The following LCN6 variants were observed in gnomAD, a reference collection of about 807,000 sequenced individuals.
The protein encoded by LCN6 is lipocalin 6, also known as epididymal-specific lipocalin-6.
Under a neutral mutation model 21.4 loss-of-function variants are expected in LCN6, and 20 were observed. That is an observed-to-expected ratio of 0.93 (90% CI 0.66 to 1.36). The LOEUF is 1.36. Ranked by LOEUF, LCN6 falls within the 40% of genes most tolerant of loss-of-function variation. LCN6 has a pLI of 0.00. For missense variants in LCN6, 217 were observed against 206.6 expected, an observed-to-expected ratio of 1.05 and a Z score of -0.31; for synonymous variants, 96 against 89.0, an observed-to-expected ratio of 1.08 and a Z score of -0.44.
Position 136,744,621 on chromosome 9 carries a change from T to C in LCN6, c.*22+19A>G, listed in dbSNP as rs1564325586. On this transcript the variant is annotated intron_variant, in intron 5 of 6. Transcript: ENST00000341206. The surrounding 1 kb of genome is among the most constrained non-coding windows in gnomAD (Gnocchi z 4.2). ...ACTTGCCCCAAGCCTCCCCCGAGGC[T>C]GCTCCGGTGGACACTCACGGTCCTT... 6.5e-7 allele frequency: 1 copy of C among 1,527,194 alleles called. No individual in the cohort carries two copies. Among genetic ancestry groups the C allele is most frequent in the Admixed American group, 1.8e-5 (1 of 57,106 alleles). The allele number at this position is 1,527,194 out of a possible 1,614,324, so 94.6% of individuals were successfully genotyped here.
intron 3 of LCN6, chr9:136,745,604 C>T (rs1847027192): frequency 1.7e-6 from 1 of 598,860 alleles, no homozygotes; most frequent in Non-Finnish European, 3.0e-6. Flanking sequence ...GGCCCCTCGC[C>T]CTCTGCACCT....
Position 136,748,463 on chromosome 9 carries a change from A to G in LCN6, c.21T>C (p.Ala7=). ...GCACCGAGACCAAAGCCAGAAAAGC[A>G]GCCAGCAGCAGGCCGCCCATCCTCC... The part of the protein sequence containing the change: MGGLLL[A]AFLALVSVPR... The change falls in exon 1 of 7, where the codon GCT becomes GCC. Residue 7 remains alanine (A), a synonymous_variant. Transcript: ENST00000341206. The G allele has an allele frequency of 1.2e-6, 2 of 1,613,180 alleles. No homozygotes were observed. Among genetic ancestry groups the G allele is most frequent in the Non-Finnish European group, 1.7e-6 (2 of 1,179,908 alleles).
chr9:136,744,840 G>T lies in LCN6; in HGVS notation c.413-99C>A. 1.1e-6 allele frequency: 1 copy of T among 872,128 alleles called. No individual in the cohort carries two copies. The highest frequency in any genetic ancestry group is 1.8e-6 in the Non-Finnish European group (1 of 544,500). 54.0% of individuals were successfully genotyped at this position (872,128 alleles called of 1,614,324 possible). A position where few individuals can be genotyped will look rare whatever the true frequency, so the allele number is the denominator to read the frequency against. ...GGTCAGGAAGGAGGCCACCTGCCCT[G>T]GGATGCTGGCCCCGGTCCTTCCAAA... is the stretch of plus-strand genomic sequence containing the variant. On this transcript the variant is annotated intron_variant, in intron 4 of 6. Transcript: ENST00000341206. This position sits in a 1 kb window ranked among gnomAD's most constrained non-coding sequence, Gnocchi z 4.2.
chr9:136,745,893 A>G lies in LCN6; in HGVS notation c.252T>C (p.Ser84=), dbSNP rs1588301358. Residue 84 remains serine (S), a synonymous_variant, in exon 3 of 7, where the codon AGT becomes AGC. Transcript: ENST00000341206. ...AGTTTCGCTTTATCAGGTCCATGAC[A>G]CTCTGGTCACACCCTCCCAGCCTGG... ...SQHGLGGCDQ[S]VMDLIKRNSG... The G allele has an allele frequency of 6.2e-7, 1 of 1,613,414 alleles. No homozygotes were observed.
chr9:136,745,350 G>A (rs528580185), intron 3 of LCN6, 70 bp from the exon 4 acceptor site: 1 of 1,075,182 alleles, frequency 9.3e-7, no homozygotes, highest in African/African-American at 1.6e-5. Flanking sequence ...CTGAGCTGAT[G>A]CTGGCCACAG....
At chr9:136,748,094 A>G (rs1847074871) in intron 1 of LCN6, among the ~76,000 whole-genome samples, 1 of 138,826 alleles carries the variant, frequency 7.2e-6, no homozygotes, top group Non-Finnish European at 1.6e-5. Flanking sequence ...TCCAGCCTCC[A>G]GTTCTCCAGC....
chr9:136,745,317 C>G (rs755090129), intron 3 of LCN6, 37 bp from the exon 4 acceptor site: 1 of 1,439,674 alleles, frequency 6.9e-7, no homozygotes, highest in Non-Finnish European at 9.8e-7. Context: ...GGGAGGGCAG[C>G]TGCTGTATCC....
Position 136,748,459 on chromosome 9 carries a change from A to G in LCN6, c.25T>C (p.Phe9Leu), listed in dbSNP as rs749879441. Residue 9 changes from phenylalanine (F) to leucine (L), a missense_variant, in exon 1 of 7, where the codon TTT (phenylalanine) becomes CTT (leucine). Transcript: ENST00000341206. The part of the protein sequence containing the change: MGGLLLAA[F>L]LALVSVPRAQ... ...CTGGGCACCGAGACCAAAGCCAGAA[A>G]AGCAGCCAGCAGCAGGCCGCCCATC... 1.9e-6 allele frequency: 3 copies of G among 1,613,092 alleles called. No individual in the cohort carries two copies. Among genetic ancestry groups the G allele is most frequent in the Non-Finnish European group, 2.5e-6 (3 of 1,179,930 alleles).
intron 1 of LCN6, among the ~76,000 whole-genome samples, 184 bp from the exon 2 acceptor site, chr9:136,747,747 CAGCCT>C (rs1243114637): frequency 1.8e-5 from 2 of 110,342 alleles, no homozygotes; most frequent in African/African-American, 4.5e-5. Context: ...CTGCAGCCTC[CAGCCT>C]CCACCCTCCA....
Position 136,744,404 on chromosome 9 carries a change from G to T in LCN6, c.*23-40C>A. On this transcript the variant is annotated intron_variant, in intron 5 of 6. Transcript: ENST00000341206. The surrounding 1 kb of genome is among the most constrained non-coding windows in gnomAD (Gnocchi z 4.2). The stretch of plus-strand genomic sequence containing the variant: ...AAGACTGGCTGTGAAAAAGGACTGA[G>T]CCCCCCAGCACCCCAGGGCCCCACC... The T allele has an allele frequency of 2.2e-6, 1 of 456,808 alleles. No homozygotes were observed. Among genetic ancestry groups the T allele is most frequent in the Non-Finnish European group, 4.0e-6 (1 of 251,984 alleles). The allele number at this position is 456,808 out of a possible 1,614,324, so 28.3% of individuals were successfully genotyped here. A position where few individuals can be genotyped will look rare whatever the true frequency, so the allele number is the denominator to read the frequency against.
intron 1 of LCN6, 29 bp downstream of exon 1, chr9:136,748,365 A>G: frequency 1.3e-6 from 2 of 1,589,906 alleles, no homozygotes; most frequent in East Asian, 4.5e-5. Flanking sequence ...CCCGAGGACC[A>G]GCTCTCCCCA....
At chr9:136,748,291 C>T (rs1429914554) in intron 1 of LCN6, 103 bp downstream of exon 1, 8 of 1,007,214 alleles carry the variant, frequency 7.9e-6, no homozygotes, top group South Asian at 1.5e-5. Context: ...CCCCACTGCT[C>T]ATGCTGGTCT....
intron 1 of LCN6, 75 bp downstream of exon 1, chr9:136,748,308 GCCCTGGGGGGC>G: frequency 2.5e-6 from 3 of 1,208,908 alleles, no homozygotes; most frequent in Non-Finnish European, 3.5e-6. Flanking sequence ...GTCTGGGCTA[GCCCTGGGGGGC>G]CCAGAAGCTG....
chr9:136,745,194 G>T lies in LCN6; in HGVS notation c.388C>A (p.Pro130Thr). 1 of 1,612,878 alleles carries T rather than the reference G, an allele frequency of 6.2e-7. No homozygotes were observed. Among genetic ancestry groups the T allele is most frequent in the Non-Finnish European group, 8.5e-7 (1 of 1,179,204 alleles). Reference sequence around the variant, plus strand: ...CTGTACAGCTCCACGGTGTTGAAGGGCTCGTCCCCGAACTCCAGCTGAGTG... The same window carrying T: ...CTGTACAGCTCCACGGTGTTGAAGGTCTCGTCCCCGAACTCCAGCTGAGTG... ...IFTQLEFGDE[P>T]FNTVELYSLT... The change falls in exon 4 of 7, where the codon CCC becomes ACC. Residue 130 changes from proline to threonine, a missense_variant. Pro to Thr is a conservative substitution (Grantham distance 38). Coordinates refer to ENST00000341206, the MANE Select transcript of LCN6 (RefSeq NM_198946.3).
intron 4 of LCN6, 128 bp downstream of exon 4, chr9:136,745,042 G>A (rs1222510620): frequency 2.3e-5 from 20 of 852,240 alleles, no homozygotes; most frequent in Non-Finnish European, 2.9e-5. Flanking sequence ...GCCCCCGAGC[G>A]GCCCACTCAC....
At chr9:136,746,001 C>A in intron 2 of LCN6, 87 bp from the exon 3 acceptor site, 2 of 1,190,932 alleles carry the variant, frequency 1.7e-6, no homozygotes, top group East Asian at 4.7e-5. Flanking sequence ...CCAGGCCAGG[C>A]CAGCCAGCAG....
At chr9:136,747,830 C>T (rs1006349906) in intron 1 of LCN6, among the ~76,000 whole-genome samples, 11 of 148,764 alleles carry the variant, frequency 7.4e-5, no homozygotes, top group Admixed American at 2.0e-4. Context: ...TCCAGCCTTG[C>T]AGCCTCTAGC....
rs1178383339 is a variant in LCN6 at position 136,745,315 on chromosome 9, A to G, written c.302-35T>C. ...AAAACCCCCCGCCTCAGGGGAGGGC[A>G]GCTGCTGTATCCATCCAGGGGCCGC... is the stretch of plus-strand genomic sequence containing the variant. On this transcript the variant is annotated intron_variant, in intron 3 of 6. Transcript: ENST00000341206. 2.1e-6 allele frequency: 3 copies of G among 1,458,642 alleles called. No homozygotes were observed. In the East Asian group the frequency reaches 6.8e-5, roughly 33 times the overall value. The allele number at this position is 1,458,642 out of a possible 1,614,324, so 90.4% of individuals were successfully genotyped here.
Position 136,744,743 on chromosome 9 carries a change from T to G in LCN6, c.413-2A>C, listed in dbSNP as rs776729580. 6.9e-6 allele frequency: 11 copies of G among 1,598,092 alleles called. No homozygotes were observed. In the South Asian group the frequency reaches 1.2e-4, roughly 18 times the overall value. ...CCTGGCTGGCTGTCTCCGTCAGACC[T>G]GGGGGCACCAGGGCAGTGCAGGGGG... On this transcript the variant is annotated splice_acceptor_variant, in intron 4 of 6. Transcript: ENST00000341206. LOFTEE classifies it high-confidence loss of function. This position sits in a 1 kb window ranked among gnomAD's most constrained non-coding sequence, Gnocchi z 4.2.
Sources: gnomAD v4.1 joint callset for allele counts (sites outside exome capture counted in the v4.1 genomes callset) on GRCh38, gnomAD v4.1.1 for gene constraint, Gnocchi (gnomAD v3.1) non-coding constraint, MANE v1.5 for transcripts, NCBI Gene and HGNC (gene_info 2026-07-23, HGNC 2026-07-21) for gene names.